The following NOX4 variants were observed in gnomAD, a reference collection of about 807,000 sequenced individuals.
The protein encoded by NOX4 is NADPH oxidase 4.
Under a neutral mutation model 87.6 loss-of-function variants are expected in NOX4, and 69 were observed. That is an observed-to-expected ratio of 0.79 (90% CI 0.65 to 0.96). The LOEUF (loss-of-function observed/expected upper bound fraction) is 0.96. Among genes scored for constraint, NOX4 ranks in the 40% least tolerant of loss-of-function variants. The probability of loss-of-function intolerance (pLI) is 0.00; values close to 1 mark genes in which losing one functional copy is unlikely to be tolerated. For synonymous variants in NOX4, 275 were observed against 238.2 expected (o/e 1.15, Z -1.42); for missense variants, 680 against 681.5 (o/e 1.00, Z 0.02).
chr11:89,573,148 C>A, the NOX4 span, among the ~76,000 whole-genome samples: 1 of 152,124 alleles, frequency 6.6e-6, no homozygotes, highest in Non-Finnish European at 1.5e-5. Context: ...TATTATAAGA[C>A]CCCTGAGACA....
At chr11:89,482,301 A>G (rs1372743582) in intron 2 of NOX4, among the ~76,000 whole-genome samples, 2 of 152,098 alleles carry the variant, frequency 1.3e-5, no homozygotes, top group Admixed American at 1.3e-4. Flanking sequence ...TAATTTCTCA[A>G]AATGCATGCT....
intron 8 of NOX4, among the ~76,000 whole-genome samples, chr11:89,411,736 C>G (rs377323538): frequency 1.3e-5 from 2 of 151,522 alleles, no homozygotes; most frequent in African/African-American, 2.4e-5. Context: ...AAAAGGAAGA[C>G]AGGATGGAAG....
At chr11:89,386,294 T>C (rs1026224119) in intron 11 of NOX4, among the ~76,000 whole-genome samples, 2 of 152,158 alleles carry the variant, frequency 1.3e-5, no homozygotes, top group Non-Finnish European at 2.9e-5. Flanking sequence ...AAACTCCTAT[T>C]CATCATTCTC....
chr11:89,396,982 A>G (rs1941537278), intron 11 of NOX4, among the ~76,000 whole-genome samples: 1 of 97,478 alleles, frequency 1.0e-5, no homozygotes, highest in African/African-American at 6.7e-5. Flanking sequence ...ATAGATATCT[A>G]CGAACTCTCC....
chr11:89,407,200 T>C (rs1827432), intron 8 of NOX4, among the ~76,000 whole-genome samples: 14,128 of 152,058 alleles, frequency 0.093, 792 homozygotes, highest in South Asian at 0.19. Context: ...TAGCAAATCA[T>C]GTAGGAATCA....
intron 2 of NOX4, among the ~76,000 whole-genome samples, chr11:89,474,636 C>T (rs1304268376): frequency 6.6e-6 from 1 of 151,860 alleles, no homozygotes; most frequent in African/African-American, 2.4e-5. Flanking sequence ...ATAATATGCA[C>T]ATGTATATAT....
chr11:89,466,430 T>C (rs1263463711), intron 2 of NOX4, among the ~76,000 whole-genome samples: 1 of 152,222 alleles, frequency 6.6e-6, no homozygotes, highest in Non-Finnish European at 1.5e-5. Flanking sequence ...GTTAGGGCTT[T>C]TGTGAAAAGT....
intron 2 of NOX4, among the ~76,000 whole-genome samples, chr11:89,485,721 C>G (rs957731235): frequency 8.5e-5 from 13 of 152,252 alleles, no homozygotes; most frequent in African/African-American, 2.9e-4. Context: ...TAATCTTAAG[C>G]AATCAATGAA....
At chr11:89,573,473 A>G in the NOX4 span, among the ~76,000 whole-genome samples, 1 of 152,140 alleles carries the variant, frequency 6.6e-6, no homozygotes, top group Non-Finnish European at 1.5e-5. Flanking sequence ...CGGGAGGCGG[A>G]GCTTGCAGTG....
chr11:89,356,956 C>T (rs1938112438), intron 12 of NOX4, among the ~76,000 whole-genome samples: 2 of 152,130 alleles, frequency 1.3e-5, no homozygotes. Flanking sequence ...GTCGCACAGT[C>T]AGGCTTAGAT....
chr11:89,467,885 T>C (rs537781861), intron 2 of NOX4, among the ~76,000 whole-genome samples: 187 of 152,230 alleles, frequency 1.2e-3, no homozygotes, highest in Non-Finnish European at 1.9e-3. Context: ...TTTTGGCAAT[T>C]ACATTACTTT....
intron 11 of NOX4, among the ~76,000 whole-genome samples, chr11:89,398,369 G>C (rs1028652330): frequency 6.6e-6 from 1 of 151,894 alleles, no homozygotes; most frequent in Non-Finnish European, 1.5e-5. Context: ...CATACTGAAT[G>C]GGCAAAAACT....
upstream of NOX4, among the ~76,000 whole-genome samples, chr11:89,495,363 G>T (rs1315016782): frequency 1.3e-5 from 2 of 152,020 alleles, no homozygotes; most frequent in South Asian, 2.1e-4. Context: ...ATTTGTGGCT[G>T]TATCACTCTA....
intron 11 of NOX4, among the ~76,000 whole-genome samples, chr11:89,395,775 G>T (rs147477017): frequency 0.034 from 5,217 of 152,134 alleles, 173 homozygotes; most frequent in East Asian, 0.13. Context: ...TTTCCCCATT[G>T]CTTGTTTTTG....
At chr11:89,376,931 G>A (rs1939886760) in intron 11 of NOX4, among the ~76,000 whole-genome samples, 1 of 152,110 alleles carries the variant, frequency 6.6e-6, no homozygotes, top group South Asian at 2.1e-4. Context: ...GATGGCAGGT[G>A]CCTGTAATCC....
upstream of NOX4, among the ~76,000 whole-genome samples, chr11:89,493,591 ATC>A: frequency 6.6e-6 from 1 of 152,050 alleles, no homozygotes; most frequent in African/African-American, 2.4e-5. Context: ...GGGGACTGAG[ATC>A]TGTTTATGTT....
chr11:89,333,584 T>G (rs2135369077), intron 17 of NOX4, among the ~76,000 whole-genome samples: 1 of 151,892 alleles, frequency 6.6e-6, no homozygotes, highest in African/African-American at 2.4e-5. Flanking sequence ...AAGTAATCAC[T>G]TTCTGAAAGA....
At chr11:89,343,514 TAAG>T (rs1201125804) in intron 13 of NOX4, among the ~76,000 whole-genome samples, 2 of 151,606 alleles carry the variant, frequency 1.3e-5, no homozygotes, top group Non-Finnish European at 2.9e-5. Flanking sequence ...TTGGAAAAAA[TAAG>T]AAGATAAAAT....
chr11:89,501,596 A>C (rs11018635), upstream of NOX4, among the ~76,000 whole-genome samples: 18,231 of 152,022 alleles, frequency 0.12, 1,388 homozygotes, highest in East Asian at 0.27. Context: ...AAGAACCACA[A>C]GGCTGGTATA....
Sources: gnomAD v4.1 joint callset for allele counts (sites outside exome capture counted in the v4.1 genomes callset) on GRCh38, gnomAD v4.1.1 for gene constraint, MANE v1.5 for transcripts, NCBI Gene and HGNC (gene_info 2026-07-23, HGNC 2026-07-21) for gene names.